The following SLC3A1 variants were observed in gnomAD, a reference collection of about 807,000 sequenced individuals.
The protein encoded by SLC3A1 is amino acid transporter heavy chain SLC3A1.
SLC3A1 carries 78 observed loss-of-function variants against 60.3 expected under a neutral mutation model. The ratio of observed to expected loss-of-function variants is 1.29; its 90% CI spans 1.08 to 1.56. The LOEUF (loss-of-function observed/expected upper bound fraction) is 1.56. SLC3A1 is among the 40% of genes most tolerant of loss of function. The pLI, the probability that SLC3A1 is intolerant of heterozygous loss-of-function variation, is 0.00. For synonymous variants in SLC3A1, 392 were observed against 307.9 expected (o/e 1.27, Z -2.86); for missense variants, 1,172 against 858.9 (o/e 1.36, Z -4.56).
At position 44,280,726 on chromosome 2, in the gene SLC3A1, TA is replaced by T; in HGVS notation, c.444del (p.Lys148AsnfsTer8). ...GNGDLKGIQD[K>X]LDYITALNIK... ...GACTTTTTTCTTCAGGTATTCAAGA[TA>T]AACTGGACTACATCACAGCTTTAAA... On this transcript the variant is annotated frameshift_variant, in exon 2 of 10. Transcript: ENST00000260649. LOFTEE classifies it high-confidence loss of function. 6.2e-7 allele frequency: 1 copy of T among 1,608,854 alleles called. No individual in the cohort carries two copies. The highest frequency in any genetic ancestry group is 8.5e-7 in the Non-Finnish European group (1 of 1,175,326).
chr2:44,290,125 T>TG (rs1198905249), intron 4 of SLC3A1, among the ~76,000 whole-genome samples: 1 of 131,768 alleles, frequency 7.6e-6, no homozygotes, highest in Non-Finnish European at 1.5e-5. Context: ...CTGTCCGACT[T>TG]TTTTTTTTTT....
chr2:44,296,888 G>T (rs1290642594), intron 4 of SLC3A1, among the ~76,000 whole-genome samples: 1 of 152,086 alleles, frequency 6.6e-6, no homozygotes, highest in Admixed American at 6.6e-5. Context: ...TTTATAAGTG[G>T]GAGTTCTTCT....
intron 9 of SLC3A1, chr2:44,319,359 T>C (rs989744012): frequency 1.3e-5 from 2 of 152,646 alleles, no homozygotes; most frequent in African/African-American, 4.8e-5. Context: ...ACTGTCTTTC[T>C]GATAATCTAT....
intron 9 of SLC3A1, among the ~76,000 whole-genome samples, chr2:44,315,881 A>C (rs577485145): frequency 4.6e-5 from 7 of 152,128 alleles, no homozygotes; most frequent in Non-Finnish European, 1.0e-4. Context: ...CAAAGAAAGA[A>C]AAGAAGGAAA....
intron 2 of SLC3A1, 92 bp from the exon 3 acceptor site, chr2:44,281,295 G>A: frequency 8.9e-7 from 1 of 1,121,038 alleles, no homozygotes; most frequent in Non-Finnish European, 1.3e-6. Context: ...GTGTATTGGG[G>A]TTACAGGCGT....
At chr2:44,298,657 C>T (rs1012131202) in intron 4 of SLC3A1, among the ~76,000 whole-genome samples, 5 of 152,192 alleles carry the variant, frequency 3.3e-5, no homozygotes, top group Admixed American at 2.6e-4. Context: ...GGATTATAGG[C>T]GTGAGCCGCT....
chr2:44,301,738 C>CAAAA (rs10657360), intron 6 of SLC3A1, among the ~76,000 whole-genome samples: 6 of 93,360 alleles, frequency 6.4e-5, no homozygotes, highest in African/African-American at 8.7e-5. Flanking sequence ...GACTCCATCA[C>CAAAA]AAAAAAAAAA....
At chr2:44,292,480 G>C (rs191785547) in intron 4 of SLC3A1, among the ~76,000 whole-genome samples, 117 of 152,256 alleles carry the variant, frequency 7.7e-4, no homozygotes, top group African/African-American at 2.7e-3. Context: ...TGTGGGGGCT[G>C]GTAAGATAGA....
chr2:44,280,742 A>C lies in SLC3A1; in HGVS notation c.457A>C (p.Thr153Pro). 5 of 1,610,746 alleles carry C rather than the reference A, an allele frequency of 3.1e-6. No individual in the cohort carries two copies. The highest frequency in any genetic ancestry group is 4.2e-6 in the Non-Finnish European group (5 of 1,176,998). The change falls in exon 2 of 10, where the codon ACA becomes CCA. Residue 153 changes from threonine to proline, a missense_variant. Transcript: ENST00000260649. ...KGIQDKLDYI[T>P]ALNIKTVWIT... ...TATTCAAGATAAACTGGACTACATC[A>C]CAGCTTTAAATATAAAAACTGTTTG...
At chr2:44,299,524 C>T (rs953930025) in intron 4 of SLC3A1, among the ~76,000 whole-genome samples, 8 of 152,142 alleles carry the variant, frequency 5.3e-5, no homozygotes, top group Non-Finnish European at 1.2e-4. Flanking sequence ...CTCTCATCTG[C>T]CTTCCTAGTA....
chr2:44,301,109 C>A lies in SLC3A1; in HGVS notation c.1118C>A (p.Thr373Lys). Residue 373 changes from threonine (T) to lysine (K), a missense_variant, in exon 6 of 10, where the codon ACG becomes AAG. By Grantham distance (78) the Thr-to-Lys change is moderately conservative. Coordinates refer to ENST00000260649, the MANE Select transcript of SLC3A1 (RefSeq NM_000341.4). ...SFRQTMDQYS[T>K]EPGRYRFMGT... ...CGGCAGACCATGGACCAATACAGCA[C>A]GGAGCCCGGCAGATACAGGTTGACC... 1 of 1,611,820 alleles carries A rather than the reference C, an allele frequency of 6.2e-7. No homozygotes were observed. The highest frequency in any genetic ancestry group is 1.7e-5 in the Admixed American group (1 of 59,898).
intron 9 of SLC3A1, chr2:44,318,095 GTTTTT>G (rs11348872): frequency 1.4e-4 from 56 of 396,902 alleles, no homozygotes; most frequent in South Asian, 5.7e-4. Context: ...TCTCAACACT[GTTTTT>G]TTTTTTTTTT....
At position 44,300,058 on chromosome 2, in the gene SLC3A1, G is replaced by C. The variant is rs1671963631; in HGVS notation, c.979G>C (p.Asp327His). The C allele has an allele frequency of 1.2e-6, 2 of 1,613,876 alleles. No homozygotes were observed. Among genetic ancestry groups the C allele is most frequent in the African/African-American group, 1.3e-5 (1 of 75,032 alleles). ...CCTCCTAGAAGCAAAGCACCTGAGA[G>C]ATGAGATCCAAGTAAATAAGACCCA... The part of the protein sequence containing the change: ...KFLLEAKHLR[D>H]EIQVNKTQIP... The change falls in exon 5 of 10, where the codon GAT becomes CAT. Residue 327 changes from aspartate (D) to histidine (H), a missense_variant. Asp to His is a moderately conservative substitution (Grantham distance 81). Transcript: ENST00000260649.
intron 9 of SLC3A1, among the ~76,000 whole-genome samples, chr2:44,315,478 GT>G (rs1223910518): frequency 1.4e-5 from 2 of 140,270 alleles, no homozygotes; most frequent in East Asian, 2.0e-4. Context: ...GTGAGACCTT[GT>G]TTCTACCTTC....
In SLC3A1 at chr2:44,320,682, T is replaced by C. The variant is rs201758843; in HGVS notation, c.*43T>C. ...TGAAGACACTGGCATTTCAGTGGGA[T>C]TGTAAGCATTTGTAATAGCTTCATG... On this transcript the variant is annotated 3_prime_UTR_variant, in exon 10 of 10. Coordinates refer to ENST00000260649, the MANE Select transcript of SLC3A1 (RefSeq NM_000341.4). 1 of 1,411,802 alleles carries C rather than the reference T, an allele frequency of 7.1e-7. No homozygotes were observed. The highest frequency in any genetic ancestry group is 1.0e-6 in the Non-Finnish European group (1 of 996,274). 87.5% of individuals were successfully genotyped at this position (1,411,802 alleles called of 1,614,324 possible).
At chr2:44,302,341 C>G (rs1236591574) in intron 6 of SLC3A1, among the ~76,000 whole-genome samples, 1 of 152,166 alleles carries the variant, frequency 6.6e-6, no homozygotes, top group African/African-American at 2.4e-5. Context: ...AAAGTAGTGC[C>G]TGGATCATAG....
At position 44,301,142 on chromosome 2, in the gene SLC3A1, ATGC is replaced by A; in HGVS notation, c.1136+17_1136+19del. 1 of 1,614,166 alleles carries A rather than the reference ATGC, an allele frequency of 6.2e-7. No individual in the cohort carries two copies. The highest frequency in any genetic ancestry group is 8.5e-7 in the Non-Finnish European group (1 of 1,180,022). ...GGCAGATACAGGTTGACCACGGCAT[ATGC>A]TCTCATTTCTTCCCAGGCTTAGTGT... On this transcript the variant is annotated intron_variant, in intron 6 of 9. Transcript: ENST00000260649.
intron 5 of SLC3A1, among the ~76,000 whole-genome samples, 194 bp downstream of exon 5, chr2:44,300,284 C>T (rs910036583): frequency 3.9e-5 from 6 of 152,044 alleles, no homozygotes; most frequent in Middle Eastern, 3.2e-3. Context: ...CCACTGGTTC[C>T]CTCCAGAGCG....
At chr2:44,310,070 T>A (rs973191542) in intron 7 of SLC3A1, among the ~76,000 whole-genome samples, 5 of 152,144 alleles carry the variant, frequency 3.3e-5, no homozygotes, top group African/African-American at 1.2e-4. Flanking sequence ...ATTTTTGTAT[T>A]TTTTGTGGAG....
Sources: allele counts gnomAD v4.1 joint callset (sites outside exome capture counted in the v4.1 genomes callset), GRCh38; gene constraint gnomAD v4.1.1; transcripts MANE v1.5; gene names NCBI Gene and HGNC (gene_info 2026-07-23, HGNC 2026-07-21).